Variants in FOXN3 observed in about 807,000 individuals in gnomAD.
FOXN3 encodes the protein forkhead box protein N3.
FOXN3 carries 7 observed loss-of-function variants against 38.4 expected under a neutral mutation model. The ratio of observed to expected loss-of-function variants is 0.18; its 90% CI spans 0.10 to 0.34. FOXN3 has a LOEUF of 0.34. Ranked by LOEUF, FOXN3 falls within the 10% of genes least tolerant of loss-of-function variation. The pLI is 1.00. For synonymous variants in FOXN3, 230 were observed against 242.2 expected, an observed-to-expected ratio of 0.95 and a Z score of 0.47; for missense variants, 456 against 613.4, an observed-to-expected ratio of 0.74 and a Z score of 2.71.
At position 89,360,563 on chromosome 14, in the gene FOXN3, GGAGA is replaced by G. The variant is rs59817818; in HGVS notation, c.544-9759_544-9756del. 7.1e-5 allele frequency among the ~76,000 whole-genome samples: 10 copies of G among 139,998 alleles called. No homozygotes were observed. The East Asian group carries it at 1.7e-3, about 24-fold the overall frequency. The allele number at this position is 139,998 out of a possible 152,430, so 91.8% of individuals were successfully genotyped here. On this transcript the variant is annotated intron_variant, in intron 2 of 5. Coordinates refer to ENST00000557258, the MANE Select transcript of FOXN3 (RefSeq NM_005197.4). ...CAGAGGGAGTGACGGAAGGAGGTGA[GGAGA>G]GAGAGAGAGAGAAGAAGAAAGGGAG...
chr14:89,235,462 G>C (rs1884951820), intron 4 of FOXN3, among the ~76,000 whole-genome samples: 2 of 152,204 alleles, frequency 1.3e-5, no homozygotes, highest in Non-Finnish European at 2.9e-5. Context: ...CCAAAAAAGA[G>C]GATGACACCT....
At chr14:89,286,202 G>A (rs1206499910) in intron 3 of FOXN3, among the ~76,000 whole-genome samples, 1 of 152,066 alleles carries the variant, frequency 6.6e-6, no homozygotes, top group East Asian at 1.9e-4. Context: ...GAGGGAAGAA[G>A]GGAGGGGGAG....
At chr14:89,252,226 A>G (rs1203157778) in intron 4 of FOXN3, among the ~76,000 whole-genome samples, 1 of 152,246 alleles carries the variant, frequency 6.6e-6, no homozygotes, top group African/African-American at 2.4e-5. Flanking sequence ...CAGGCTATAG[A>G]GCCAAGGATT....
intron 3 of FOXN3, among the ~76,000 whole-genome samples, chr14:89,324,898 C>T (rs1003133502): frequency 3.9e-5 from 6 of 152,154 alleles, no homozygotes; most frequent in Non-Finnish European, 8.8e-5. Context: ...GGGGTGACGT[C>T]TGAGATTCTG....
intron 1 of FOXN3, among the ~76,000 whole-genome samples, chr14:89,440,349 C>A (rs572736749): frequency 2.6e-5 from 4 of 152,256 alleles, no homozygotes; most frequent in African/African-American, 9.6e-5. Context: ...GCAGAGAGAC[C>A]CCTATTTCAG....
intron 1 of FOXN3, among the ~76,000 whole-genome samples, chr14:89,470,999 A>T (rs1343921049): frequency 1.3e-5 from 2 of 152,272 alleles, no homozygotes; most frequent in East Asian, 3.9e-4. Flanking sequence ...GACTTAAAAC[A>T]CTGGGACAAT....
At chr14:89,404,304 T>C (rs527302103) in intron 2 of FOXN3, among the ~76,000 whole-genome samples, 1 of 151,504 alleles carries the variant, frequency 6.6e-6, no homozygotes, top group East Asian at 2.0e-4. Flanking sequence ...GGTCAGGAGT[T>C]CGAGACCAGC....
chr14:89,258,645 G>A (rs138764574), intron 4 of FOXN3, among the ~76,000 whole-genome samples: 1 of 152,196 alleles, frequency 6.6e-6, no homozygotes, highest in Admixed American at 6.5e-5. Context: ...TTTTTCAGAA[G>A]ATAAATGTAA....
intron 3 of FOXN3, among the ~76,000 whole-genome samples, chr14:89,303,663 T>C (rs911966348): frequency 6.6e-5 from 10 of 152,198 alleles, no homozygotes; most frequent in African/African-American, 1.9e-4. Context: ...GATGCTTACA[T>C]AACTACCTCC....
intron 3 of FOXN3, among the ~76,000 whole-genome samples, chr14:89,310,837 T>TG (rs1319088825): frequency 6.6e-6 from 1 of 152,148 alleles, no homozygotes; most frequent in Non-Finnish European, 1.5e-5. Flanking sequence ...CCAGGCACTG[T>TG]GGCTCACACC....
At chr14:89,562,852 T>A (rs1416515815) in intron 1 of FOXN3, among the ~76,000 whole-genome samples, 1 of 152,226 alleles carries the variant, frequency 6.6e-6, no homozygotes, top group Non-Finnish European at 1.5e-5. Flanking sequence ...AATTCACCTA[T>A]CAAACTAATT....
chr14:89,269,794 G>T (rs1035891108), intron 4 of FOXN3, among the ~76,000 whole-genome samples: 1 of 151,930 alleles, frequency 6.6e-6, no homozygotes, highest in Non-Finnish European at 1.5e-5. Flanking sequence ...CATGAACCCC[G>T]ACTATGCTTG....
At chr14:89,303,195 C>T (rs769990370) in intron 3 of FOXN3, among the ~76,000 whole-genome samples, 4 of 152,078 alleles carry the variant, frequency 2.6e-5, no homozygotes, top group African/African-American at 7.2e-5. Context: ...GACACCAGAG[C>T]GCCTTTGACC....
intron 4 of FOXN3, among the ~76,000 whole-genome samples, chr14:89,270,087 A>T (rs1236498296): frequency 4.6e-5 from 7 of 152,202 alleles, no homozygotes; most frequent in Non-Finnish European, 1.0e-4. Context: ...ATCACAAGCA[A>T]TTCCAGCCCA....
intron 3 of FOXN3, among the ~76,000 whole-genome samples, chr14:89,302,903 AG>A (rs1887262865): frequency 1.3e-5 from 2 of 152,204 alleles, no homozygotes; most frequent in Admixed American, 6.5e-5. Flanking sequence ...TAGCCTTTCC[AG>A]GGAGGACACT....
At position 89,161,604 on chromosome 14, in the gene FOXN3, T is replaced by TGTGTGTGTGTGTGTGAGA; in HGVS notation, c.*809_*810insTCTCACACACACACACAC. 1.4e-5 allele frequency: 2 copies of TGTGTGTGTGTGTGTGAGA among 143,910 alleles called. No individual in the cohort carries two copies. Among genetic ancestry groups the TGTGTGTGTGTGTGTGAGA allele is most frequent in the African/African-American group, 2.5e-5 (1 of 39,878 alleles). The allele number at this position is 143,910 out of a possible 1,614,324, so 8.9% of individuals were successfully genotyped here. ...GTGTGTGTGTGTGTGTGTGCGTGCGTGCACAGGGCCAATCTTCAGGCTTAT... is the reference window on the plus strand; with the variant it reads ...GTGTGTGTGTGTGTGTGTGCGTGCGTGTGTGTGTGTGTGTGAGAGCACAGGGCCAATCTTCAGGCTTAT... On this transcript the variant is annotated 3_prime_UTR_variant, in exon 6 of 6. Coordinates refer to ENST00000557258, the MANE Select transcript of FOXN3 (RefSeq NM_005197.4).
At chr14:89,461,039 G>GC (rs1491424987) in intron 1 of FOXN3, among the ~76,000 whole-genome samples, 28 of 118,910 alleles carry the variant, frequency 2.4e-4, no homozygotes, top group African/African-American at 8.7e-4. Context: ...AAAAAAAAAA[G>GC]GGGGGGGGAG....
intron 3 of FOXN3, among the ~76,000 whole-genome samples, chr14:89,305,970 TGA>T: frequency 6.6e-6 from 1 of 152,362 alleles, no homozygotes; most frequent in East Asian, 1.9e-4. Context: ...AAGAAGCAGC[TGA>T]GAGACCTAAG....
chr14:89,608,212 G>A (rs1450917957), intron 1 of FOXN3, among the ~76,000 whole-genome samples: 1 of 152,272 alleles, frequency 6.6e-6, no homozygotes, highest in African/African-American at 2.4e-5. Flanking sequence ...TAGCCAGGAT[G>A]GTCTCGATCT....
Sources: allele counts gnomAD v4.1 joint callset (sites outside exome capture counted in the v4.1 genomes callset), GRCh38; gene constraint gnomAD v4.1.1; transcripts MANE v1.5; gene names NCBI Gene and HGNC (gene_info 2026-07-23, HGNC 2026-07-21).